The following PRKN variants were observed in gnomAD, a reference collection of about 807,000 sequenced individuals.
PRKN encodes the protein E3 ubiquitin-protein ligase parkin.
PRKN carries 56 observed loss-of-function variants against 59.5 expected under a neutral mutation model. The ratio of observed to expected loss-of-function variants is 0.94; its 90% CI spans 0.76 to 1.18. The LOEUF (loss-of-function observed/expected upper bound fraction) is 1.18. Ranked by LOEUF, PRKN falls within the 50% of genes most tolerant of loss-of-function variation. The pLI, the probability that PRKN is intolerant of heterozygous loss-of-function variation, is 0.00. For synonymous variants in PRKN, 250 were observed against 222.1 expected (o/e 1.13, Z -1.12); for missense variants, 657 against 596.4 (o/e 1.10, Z -1.06).
chr6:162,556,401 G>GTGTGTGTGTGTGTGTGTGTGTGTC lies in PRKN; in HGVS notation c.8-112929_8-112928insGACACACACACACACACACACACA, dbSNP rs776385523. 2.5e-4 allele frequency among the ~76,000 whole-genome samples: 33 copies of GTGTGTGTGTGTGTGTGTGTGTGTC among 131,238 alleles called. 1 individual carries two copies. The highest frequency in any genetic ancestry group is 3.8e-4 in the Non-Finnish European group (23 of 59,754). The allele number at this position is 131,238 out of a possible 152,430, so 86.1% of individuals were successfully genotyped here. A position where few individuals can be genotyped will look rare whatever the true frequency, so the allele number is the denominator to read the frequency against. ...TGTGTGTGTGTGTGTGTGTGTGTGT[G>GTGTGTGTGTGTGTGTGTGTGTGTC]TGTCAGTTTGGCAGACGCCTTCTTT... On this transcript the variant is annotated intron_variant, in intron 1 of 11. Transcript: ENST00000366898.
intron 2 of PRKN, among the ~76,000 whole-genome samples, chr6:162,281,299 G>A (rs1244729402): frequency 6.6e-6 from 1 of 151,990 alleles, no homozygotes; most frequent in African/African-American, 2.4e-5. Context: ...ATAGCATTAG[G>A]AGAAATACCT....
At chr6:161,704,795 G>A (rs1234148416) in intron 7 of PRKN, among the ~76,000 whole-genome samples, 2 of 152,068 alleles carry the variant, frequency 1.3e-5, no homozygotes, top group Admixed American at 1.3e-4. Context: ...GGGCTCAAAC[G>A]TTGCAATGAT....
Position 161,372,650 on chromosome 6 carries a change from G to A in PRKN, c.1168-12445C>T, listed in dbSNP as rs574216470. Among the ~76,000 whole-genome samples, 2 of 152,172 alleles carry A rather than the reference G, an allele frequency of 1.3e-5. No homozygotes were observed. Among genetic ancestry groups the A allele is most frequent in the Admixed American group, 6.6e-5 (1 of 15,260 alleles). ...CAGCGGCACCGGAAGCGCTTGTGCT[G>A]TGGCTCCCCCACTACCCCTCTGGGT... On this transcript the variant is annotated intron_variant, in intron 10 of 11. Coordinates refer to ENST00000366898, the MANE Select transcript of PRKN (RefSeq NM_004562.3). The surrounding 1 kb of genome is among the most constrained non-coding windows in gnomAD (Gnocchi z 4.2).
chr6:161,962,625 C>T (rs1357695332), intron 6 of PRKN, among the ~76,000 whole-genome samples: 1 of 151,694 alleles, frequency 6.6e-6, no homozygotes, highest in East Asian at 2.0e-4. Flanking sequence ...CAACCTCCAC[C>T]TCCCAGGTTC....
chr6:162,544,803 G>T (rs1476743165), intron 1 of PRKN, among the ~76,000 whole-genome samples: 2 of 149,154 alleles, frequency 1.3e-5, no homozygotes, highest in Non-Finnish European at 1.5e-5. Context: ...TCGGCCTCCT[G>T]AGTAGCTGGG....
At chr6:162,614,628 C>T (rs975277580) in intron 1 of PRKN, among the ~76,000 whole-genome samples, 15 of 151,950 alleles carry the variant, frequency 9.9e-5, no homozygotes, top group African/African-American at 1.9e-4. Context: ...TAAATGTTCA[C>T]GAAGGGAAAG....
intron 7 of PRKN, among the ~76,000 whole-genome samples, chr6:161,708,462 A>G (rs1249609385): frequency 5.8e-5 from 2 of 34,696 alleles, no homozygotes; most frequent in East Asian, 4.6e-4. Flanking sequence ...TTGATTTCAG[A>G]AAAAAAAAAA....
intron 1 of PRKN, among the ~76,000 whole-genome samples, chr6:162,563,619 C>G (rs1779943001): frequency 6.6e-6 from 1 of 152,202 alleles, no homozygotes; most frequent in Non-Finnish European, 1.5e-5. Flanking sequence ...CAAAGAACAT[C>G]TGCTAGCATC....
At chr6:162,698,811 T>C (rs963795958) in intron 1 of PRKN, among the ~76,000 whole-genome samples, 9 of 152,174 alleles carry the variant, frequency 5.9e-5, no homozygotes, top group Non-Finnish European at 1.0e-4. Context: ...CCTAAGTCCC[T>C]TAGTTTTTAG....
intron 9 of PRKN, among the ~76,000 whole-genome samples, chr6:161,406,189 C>T (rs1787267323): frequency 6.7e-6 from 1 of 149,554 alleles, no homozygotes; most frequent in African/African-American, 2.5e-5. Context: ...TACATATATA[C>T]ACACATATAT....
intron 3 of PRKN, among the ~76,000 whole-genome samples, chr6:162,226,291 C>T (rs1265355353): frequency 1.3e-5 from 2 of 151,962 alleles, no homozygotes; most frequent in South Asian, 2.1e-4. Flanking sequence ...GAGAGAGACA[C>T]GCAGGCACCA....
chr6:162,320,385 C>CAAA (rs1782955414), intron 2 of PRKN, among the ~76,000 whole-genome samples: 1 of 27,784 alleles, frequency 3.6e-5, no homozygotes, highest in Admixed American at 3.2e-4. Flanking sequence ...AAAAAAAAAA[C>CAAA]CAAGCATTTT....
chr6:161,957,436 G>GTTTGT (rs796970866), intron 6 of PRKN, among the ~76,000 whole-genome samples: 1 of 116,644 alleles, frequency 8.6e-6, no homozygotes. Flanking sequence ...TTGTTTGTTT[G>GTTTGT]TTTTTTTGAG....
intron 3 of PRKN, among the ~76,000 whole-genome samples, chr6:162,221,003 G>A (rs750652644): frequency 6.6e-6 from 1 of 152,180 alleles, no homozygotes; most frequent in African/African-American, 2.4e-5. Flanking sequence ...TTTTCAAAGA[G>A]TTAGATGAGT....
intron 4 of PRKN, among the ~76,000 whole-genome samples, chr6:162,134,081 A>C (rs1781478494): frequency 6.6e-6 from 1 of 152,118 alleles, no homozygotes; most frequent in Non-Finnish European, 1.5e-5. Context: ...CCTCTTATTA[A>C]ATATTTACAA....
intron 1 of PRKN, among the ~76,000 whole-genome samples, chr6:162,644,272 A>G (rs1376514175): frequency 6.6e-6 from 1 of 152,130 alleles, no homozygotes; most frequent in Admixed American, 6.6e-5. Flanking sequence ...TCCTCCAGGC[A>G]GAGTGCACCC....
At chr6:162,524,531 A>G (rs927352019) in intron 1 of PRKN, among the ~76,000 whole-genome samples, 5 of 152,188 alleles carry the variant, frequency 3.3e-5, no homozygotes, top group African/African-American at 1.2e-4. Flanking sequence ...TTTGGAGAAG[A>G]GCAATTTACT....
chr6:162,172,499 GT>G (rs553889759), intron 4 of PRKN, among the ~76,000 whole-genome samples: 58 of 152,292 alleles, frequency 3.8e-4, no homozygotes, highest in African/African-American at 1.3e-3. Flanking sequence ...GATGGACTGG[GT>G]TTGAATCATG....
At chr6:161,564,348 C>T (rs1243911251) in intron 8 of PRKN, among the ~76,000 whole-genome samples, 1 of 152,176 alleles carries the variant, frequency 6.6e-6, no homozygotes, top group Admixed American at 6.5e-5. Flanking sequence ...CCAGGCTGAG[C>T]CCCAAGCTCC....
Sources: gnomAD v4.1 joint callset for allele counts (sites outside exome capture counted in the v4.1 genomes callset) on GRCh38, gnomAD v4.1.1 for gene constraint, Gnocchi (gnomAD v3.1) non-coding constraint, MANE v1.5 for transcripts, NCBI Gene and HGNC (gene_info 2026-07-23, HGNC 2026-07-21) for gene names.